Variants in MYH4 observed in about 807,000 individuals in gnomAD.
MYH4 encodes the protein myosin heavy chain 4.
MYH4 carries 200 observed loss-of-function variants against 229.9 expected under a neutral mutation model. The observed-to-expected ratio is 0.87, with a 90% confidence interval of 0.78 to 0.98. The LOEUF is 0.98. Ranked by LOEUF, MYH4 falls within the 50% of genes least tolerant of loss-of-function variation. The pLI is 0.00. For missense variants in MYH4, 2,148 were observed against 2,332.6 expected, an observed-to-expected ratio of 0.92 and a Z score of 1.63; for synonymous variants, 761 against 834.6, an observed-to-expected ratio of 0.91 and a Z score of 1.52.
rs776789584 is a variant in MYH4, at chr17:10,457,505, CA to C, written c.1811del (p.Leu604ArgfsTer14). The C allele has an allele frequency of 1.9e-6, 3 of 1,614,112 alleles. No individual in the cohort carries two copies. In the African/African-American group the frequency reaches 4.0e-5, roughly 22 times the overall value. ...GGTACAGCCCCACCACAGTCTCATT[CA>C]GGGGGTCCTTGTTTTTGTCCAGCCA... is the stretch of plus-strand genomic sequence containing the variant. ...AGWLDKNKDPLNETVVGLYQK... is the reference protein window; with the variant it reads ...AGWLDKNKDPXNETVVGLYQK... On this transcript the variant is annotated frameshift_variant, in exon 16 of 40. Coordinates refer to ENST00000255381, the MANE Select transcript of MYH4 (RefSeq NM_017533.2). LOFTEE classifies it high-confidence loss of function.
At chr17:10,464,172 C>G (rs908122903) in intron 7 of MYH4, among the ~76,000 whole-genome samples, 5 of 152,010 alleles carry the variant, frequency 3.3e-5, no homozygotes, top group Non-Finnish European at 7.4e-5. Flanking sequence ...CCCTCCTACC[C>G]TTCCCCATCT....
intron 23 of MYH4, among the ~76,000 whole-genome samples, 157 bp downstream of exon 23, chr17:10,453,486 G>T (rs531161827): frequency 6.6e-6 from 1 of 152,036 alleles, no homozygotes. Context: ...AGGAGGTAAA[G>T]GTCAAGTAAG....
Position 10,459,245 on chromosome 17 carries a change from A to G in MYH4, c.1587+6T>C, listed in dbSNP as rs781000432. On this transcript the variant is annotated splice_donor_region_variant and intron_variant, in intron 15 of 39. Coordinates refer to ENST00000255381, the MANE Select transcript of MYH4 (RefSeq NM_017533.2). ...ATGTTTTGAAAGCTAGAAAAGTCAT[A>G]TGAACCTTCTCGATGAGCTCGATGC... is the stretch of plus-strand genomic sequence containing the variant. The G allele has an allele frequency of 5.6e-6, 9 of 1,613,892 alleles. No homozygotes were observed. Among genetic ancestry groups the G allele is most frequent in the Non-Finnish European group, 1.7e-6 (2 of 1,179,952 alleles).
chr17:10,460,232 A>G lies in MYH4; in HGVS notation c.1237T>C (p.Phe413Leu), dbSNP rs2072686185. Reference sequence around the variant, plus strand: ...TGCACAGTCTGGCCTTTGGTTACGAACTCATTGCCGACCTTGACTCTGGGA... The same window carrying G: ...TGCACAGTCTGGCCTTTGGTTACGAGCTCATTGCCGACCTTGACTCTGGGA... ...CYPRVKVGNE[F>L]VTKGQTVQQV... is the part of the protein sequence containing the mutation. The change falls in exon 13 of 40, where the codon TTC (phenylalanine) becomes CTC (leucine). Residue 413 changes from phenylalanine (F) to leucine (L), a missense_variant. Coordinates refer to ENST00000255381, the MANE Select transcript of MYH4 (RefSeq NM_017533.2). 1 of 1,614,042 alleles carries G rather than the reference A, an allele frequency of 6.2e-7. No homozygotes were observed. The highest frequency in any genetic ancestry group is 8.5e-7 in the Non-Finnish European group (1 of 1,179,944).
chr17:10,458,040 C>A (rs1226249684), intron 15 of MYH4, among the ~76,000 whole-genome samples: 1 of 152,182 alleles, frequency 6.6e-6, no homozygotes, highest in African/African-American at 2.4e-5. Flanking sequence ...TGACTACTTT[C>A]TTTCCTACTG....
At chr17:10,469,119 G>T (rs1597426780) in intron 2 of MYH4, among the ~76,000 whole-genome samples, 169 bp downstream of exon 2, 1 of 152,100 alleles carries the variant, frequency 6.6e-6, no homozygotes, top group South Asian at 2.1e-4. Context: ...AGTTTTGTTT[G>T]ATTAAGTGGC....
chr17:10,454,921 A>T lies in MYH4; in HGVS notation c.2435+20T>A, dbSNP rs1567702138. On this transcript the variant is annotated intron_variant, in intron 21 of 39. Coordinates refer to ENST00000255381, the MANE Select transcript of MYH4 (RefSeq NM_017533.2). Reference sequence around the variant, plus strand: ...ATTTATGAAAGTGTGGAGCAGGAAGACTTGTGTGTGGGCTCTCACCTCCTC... The same window carrying T: ...ATTTATGAAAGTGTGGAGCAGGAAGTCTTGTGTGTGGGCTCTCACCTCCTC... 1.9e-6 allele frequency: 3 copies of T among 1,613,544 alleles called. No homozygotes were observed. The highest frequency in any genetic ancestry group is 2.5e-6 in the Non-Finnish European group (3 of 1,179,520).
intron 17 of MYH4, 91 bp from the exon 18 acceptor site, chr17:10,455,992 A>G (rs2072635106): frequency 2.0e-6 from 3 of 1,510,840 alleles, no homozygotes; most frequent in Non-Finnish European, 2.7e-6. Context: ...TCACATTTTA[A>G]TGAGCTGTCT....
At position 10,466,909 on chromosome 17, in the gene MYH4, C is replaced by T; in HGVS notation, c.-39-125G>A. On this transcript the variant is annotated intron_variant, in intron 2 of 39. Coordinates refer to ENST00000255381, the MANE Select transcript of MYH4 (RefSeq NM_017533.2). ...TCACCCCTGCCTTTAGGGACCACTC[C>T]TGTATACTATGTCAAGGAGCTGAGA... The T allele has an allele frequency of 1.2e-5, 9 of 762,158 alleles. No homozygotes were observed. The South Asian group carries it at 1.5e-4, about 12-fold the overall frequency. The allele number at this position is 762,158 out of a possible 1,614,324, so 47.2% of individuals were successfully genotyped here. A position where few individuals can be genotyped will look rare whatever the true frequency, so the allele number is the denominator to read the frequency against.
chr17:10,460,819 A>G, intron 12 of MYH4, 97 bp downstream of exon 12: 1 of 1,330,430 alleles, frequency 7.5e-7, no homozygotes, highest in Non-Finnish European at 1.0e-6. Flanking sequence ...TTTGCCCTTC[A>G]CGAGCTAGGT....
In MYH4 at chr17:10,450,469, C is replaced by G; in HGVS notation, c.4165G>C (p.Glu1389Gln). 6.2e-7 allele frequency: 1 copy of G among 1,613,930 alleles called. No individual in the cohort carries two copies. Among genetic ancestry groups the G allele is most frequent in the South Asian group, 1.1e-5 (1 of 91,070 alleles). ...AGCACATACTTGGCCTCCTCCAGCTCCTCTGTGCGCTGGATGGCGTCCGTC... is the reference window on the plus strand; with the variant it reads ...AGCACATACTTGGCCTCCTCCAGCTGCTCTGTGCGCTGGATGGCGTCCGTC... Reference protein sequence around the residue: ...YETDAIQRTEELEEAKKKLAQ... With the variant: ...YETDAIQRTEQLEEAKKKLAQ... The change falls in exon 30 of 40, where the codon GAG becomes CAG. Residue 1389 changes from glutamate (E) to glutamine (Q), a missense_variant. By Grantham distance (29) the Glu-to-Gln change is conservative. Coordinates refer to ENST00000255381, the MANE Select transcript of MYH4 (RefSeq NM_017533.2).
Position 10,464,560 on chromosome 17 carries a change from A to T in MYH4, c.560T>A (p.Val187Glu). 6.2e-7 allele frequency: 1 copy of T among 1,614,064 alleles called. No homozygotes were observed. The highest frequency in any genetic ancestry group is 8.5e-7 in the Non-Finnish European group (1 of 1,179,958). The change falls in exon 7 of 40, where the codon GTG (valine) becomes GAG (glutamate). Residue 187 changes from valine (V) to glutamate (E), a missense_variant. By Grantham distance (121) the Val-to-Glu change is moderately radical. Coordinates refer to ENST00000255381, the MANE Select transcript of MYH4 (RefSeq NM_017533.2). ...GTACTGGATGACACGCTTCGTGTTC[A>T]CAGTCTTCCCTGCACCAGATTCTCC... Reference protein sequence around the residue: ...ITGESGAGKTVNTKRVIQYFA... With the variant: ...ITGESGAGKTENTKRVIQYFA...
Position 10,448,507 on chromosome 17 carries a change from G to T in MYH4, c.4545C>A (p.Asp1515Glu). The change falls in exon 33 of 40, where the codon GAC becomes GAA. Residue 1515 changes from aspartate to glutamate, a missense_variant. Coordinates refer to ENST00000255381, the MANE Select transcript of MYH4 (RefSeq NM_017533.2). ...CACCCTCTGCAATTTGCTCTGTCAG[G>T]TCAGAAATCTCCTCTGTAATAATAA... ...ENKNLQQEIS[D>E]LTEQIAEGGK... is the part of the protein sequence containing the mutation. 1 of 1,613,500 alleles carries T rather than the reference G, an allele frequency of 6.2e-7. No individual in the cohort carries two copies. The highest frequency in any genetic ancestry group is 1.1e-5 in the South Asian group (1 of 90,928).
At position 10,447,038 on chromosome 17, in the gene MYH4, T is replaced by A. The variant is rs1203572825; in HGVS notation, c.5144A>T (p.Glu1715Val). The A allele has an allele frequency of 3.7e-6, 6 of 1,614,036 alleles. No individual in the cohort carries two copies. Among genetic ancestry groups the A allele is most frequent in the Non-Finnish European group, 5.1e-6 (6 of 1,180,016 alleles). ...MAEQELLDAS[E>V]RVQLLHTQNT... ...CTGAGTGTGCAGAAGTTGCACACGTTCACTGGCATCCAGAAGCTCTTGCTC... is the reference window on the plus strand; with the variant it reads ...CTGAGTGTGCAGAAGTTGCACACGTACACTGGCATCCAGAAGCTCTTGCTC... Residue 1715 changes from glutamate (E) to valine (V), a missense_variant, in exon 35 of 40, where the codon GAA (glutamate) becomes GTA (valine). Glu to Val is a moderately radical substitution (Grantham distance 121). Coordinates refer to ENST00000255381, the MANE Select transcript of MYH4 (RefSeq NM_017533.2).
intron 30 of MYH4, among the ~76,000 whole-genome samples, chr17:10,449,648 T>A (rs1367277118): frequency 4.6e-5 from 7 of 152,206 alleles, no homozygotes; most frequent in Non-Finnish European, 1.0e-4. Flanking sequence ...CAGAGTGATA[T>A]GTTCAAGGTC....
Position 10,461,006 on chromosome 17 carries a change from A to G in MYH4, c.1057T>C (p.Tyr353His), listed in dbSNP as rs1271269356. 6 of 1,613,978 alleles carry G rather than the reference A, an allele frequency of 3.7e-6. No individual in the cohort carries two copies. Among genetic ancestry groups the G allele is most frequent in the Non-Finnish European group, 5.1e-6 (6 of 1,180,000 alleles). Residue 353 changes from tyrosine (Y) to histidine (H), a missense_variant, in exon 12 of 40, where the codon TAC (tyrosine) becomes CAC (histidine). Physicochemically the swap from Tyr to His is moderately conservative, Grantham distance 83. Transcript: ENST00000255381. ...GFTADEKVAI[Y>H]KLTGAVMHYG... ...TGCATCACGGCTCCAGTGAGCTTGTAAATGGCCACCTTTTCATCAGCAGTG... is the reference window on the plus strand; with the variant it reads ...TGCATCACGGCTCCAGTGAGCTTGTGAATGGCCACCTTTTCATCAGCAGTG...
intron 2 of MYH4, among the ~76,000 whole-genome samples, chr17:10,468,077 A>G (rs2072786247): frequency 6.6e-6 from 1 of 152,238 alleles, no homozygotes; most frequent in South Asian, 2.1e-4. Flanking sequence ...AAGTGTCCTG[A>G]TGACACTGTG....
At position 10,455,290 on chromosome 17, in the gene MYH4, T is replaced by C. The variant is rs1404852471; in HGVS notation, c.2180A>G (p.Lys727Arg). The change falls in exon 20 of 40, where the codon AAG (lysine) becomes AGG (arginine). Residue 727 changes from lysine (K) to arginine (R), a missense_variant. Transcript: ENST00000255381. ...ILYADFKQRY[K>R]VLNASAIPEG... Reference sequence around the variant, plus strand: ...TGGGATAGCACTCGCATTTAGAACCTTGTATCTGTCAGAATAAAAAGAATA... The same window carrying C: ...TGGGATAGCACTCGCATTTAGAACCCTGTATCTGTCAGAATAAAAAGAATA... 1.2e-6 allele frequency: 2 copies of C among 1,611,508 alleles called. No individual in the cohort carries two copies. Among genetic ancestry groups the C allele is most frequent in the Non-Finnish European group, 1.7e-6 (2 of 1,179,150 alleles).
chr17:10,463,369 T>G lies in MYH4; in HGVS notation c.774A>C (p.Thr258=). The part of the protein sequence containing the change: ...GKFIRIHFGA[T]GKLASADIET... ...CAATATCTGCAGAAGCCAGTTTGCC[T>G]GTGGCACCAAAATGGATCCTGATGA... The change falls in exon 9 of 40, where the codon ACA becomes ACC. Residue 258 remains threonine (T), a synonymous_variant. Coordinates refer to ENST00000255381, the MANE Select transcript of MYH4 (RefSeq NM_017533.2). 1 of 1,613,044 alleles carries G rather than the reference T, an allele frequency of 6.2e-7. No individual in the cohort carries two copies. Among genetic ancestry groups the G allele is most frequent in the Non-Finnish European group, 8.5e-7 (1 of 1,179,514 alleles).
Sources: allele counts gnomAD v4.1 joint callset (sites outside exome capture counted in the v4.1 genomes callset), GRCh38; gene constraint gnomAD v4.1.1; transcripts MANE v1.5; gene names NCBI Gene and HGNC (gene_info 2026-07-23, HGNC 2026-07-21).